Variants in GRIK2 observed in about 807,000 individuals in gnomAD.
GRIK2 encodes the protein glutamate receptor ionotropic, kainate 2.
GRIK2 carries 32 observed loss-of-function variants against 100.3 expected under a neutral mutation model. The observed-to-expected ratio is 0.32, with a 90% confidence interval of 0.24 to 0.43. The LOEUF (loss-of-function observed/expected upper bound fraction) is 0.43, where lower values mean the gene tolerates loss of function less well. Ranked by LOEUF, GRIK2 falls within the 20% of genes least tolerant of loss-of-function variation. GRIK2 has a pLI of 1.00. For missense variants in GRIK2, 843 were observed against 1,114.9 expected (o/e 0.76, Z 3.47); for synonymous variants, 417 against 389.4 (o/e 1.07, Z -0.83).
intron 14 of GRIK2, among the ~76,000 whole-genome samples, chr6:101,978,284 A>T (rs2128488401): frequency 6.6e-6 from 1 of 152,110 alleles, no homozygotes; most frequent in African/African-American, 2.4e-5. Context: ...TGTTATATGC[A>T]CTTAATTATA....
chr6:101,988,152 C>T (rs1326145049), intron 14 of GRIK2, among the ~76,000 whole-genome samples: 213 of 8,474 alleles, frequency 0.025, 1 homozygote, highest in Middle Eastern at 0.083. Flanking sequence ...CGCGCGCGCG[C>T]GCGTGCGCGC....
chr6:101,516,980 A>G (rs1774619311), intron 2 of GRIK2, among the ~76,000 whole-genome samples: 1 of 152,132 alleles, frequency 6.6e-6, no homozygotes, highest in South Asian at 2.1e-4. Context: ...TTCATGGAGC[A>G]AATTGGGCAA....
At position 102,029,042 on chromosome 6, in the gene GRIK2, T is replaced by C. The variant is rs183222314; in HGVS notation, c.2086-6299T>C. On this transcript the variant is annotated intron_variant, in intron 14 of 16. Transcript: ENST00000369134. ...TTATATATTTCTCTTAGGTACTACATTCTTTTGGAGAGTATTTCCTAATAA... is the reference window on the plus strand; with the variant it reads ...TTATATATTTCTCTTAGGTACTACACTCTTTTGGAGAGTATTTCCTAATAA... Among the ~76,000 whole-genome samples, 34 of 151,342 alleles carry C rather than the reference T, an allele frequency of 2.2e-4. 1 individual carries two copies. In the East Asian group the frequency reaches 5.5e-3, roughly 24 times the overall value.
intron 16 of GRIK2, among the ~76,000 whole-genome samples, chr6:102,060,284 G>C (rs1771681730): frequency 6.6e-6 from 1 of 150,762 alleles, no homozygotes; most frequent in African/African-American, 2.4e-5. Flanking sequence ...ATGTTCTTCA[G>C]TGTTTAGAGG....
intron 14 of GRIK2, among the ~76,000 whole-genome samples, chr6:101,934,625 C>A (rs950715827): frequency 1.3e-5 from 2 of 151,794 alleles, no homozygotes; most frequent in African/African-American, 4.8e-5. Flanking sequence ...TACTGCAAGT[C>A]CTTATTAGAT....
chr6:101,662,790 C>T (rs1769723514), intron 4 of GRIK2, among the ~76,000 whole-genome samples: 1 of 152,032 alleles, frequency 6.6e-6, no homozygotes, highest in Non-Finnish European at 1.5e-5. Flanking sequence ...AAATGATTTG[C>T]ATATCTGTCT....
chr6:101,665,450 T>C (rs1002804635), intron 4 of GRIK2, among the ~76,000 whole-genome samples: 1 of 152,210 alleles, frequency 6.6e-6, no homozygotes, highest in African/African-American at 2.4e-5. Context: ...GTTCATTGTA[T>C]ATTGAGTCAA....
intron 10 of GRIK2, among the ~76,000 whole-genome samples, chr6:101,837,413 G>A (rs576289580): frequency 2.1e-4 from 32 of 152,276 alleles, no homozygotes; most frequent in African/African-American, 7.7e-4. Flanking sequence ...CACACACTAA[G>A]AGGTTAACTG....
rs144604595 is a variant in GRIK2, at chr6:101,875,311, A to T, written c.1525-14329A>T. On this transcript the variant is annotated intron_variant, in intron 11 of 16. Coordinates refer to ENST00000369134, the MANE Select transcript of GRIK2 (RefSeq NM_021956.5). ...ACCAAGGACAAAACCTCAATAAGAG[A>T]TCTCTTGTCCTTTATCTTGGGGGTA... Among the ~76,000 whole-genome samples, 1,047 of 152,002 alleles carry T rather than the reference A, an allele frequency of 6.9e-3. 14 individuals carry two copies. Among genetic ancestry groups the T allele is most frequent in the African/African-American group, 0.023 (960 of 41,520 alleles).
intron 7 of GRIK2, among the ~76,000 whole-genome samples, chr6:101,686,861 A>G (rs1230545285): frequency 6.6e-6 from 1 of 152,112 alleles, no homozygotes; most frequent in Non-Finnish European, 1.5e-5. Flanking sequence ...GTTTAAACCC[A>G]GAAGCGGCAC....
At chr6:101,955,823 T>C (rs927698810) in intron 14 of GRIK2, among the ~76,000 whole-genome samples, 22 of 152,210 alleles carry the variant, frequency 1.4e-4, no homozygotes, top group African/African-American at 5.3e-4. Context: ...TTTGTAAGTA[T>C]TGTTGATCTT....
chr6:101,409,852 A>G (rs1382183089), intron 2 of GRIK2, among the ~76,000 whole-genome samples: 3 of 152,092 alleles, frequency 2.0e-5, no homozygotes, highest in Non-Finnish European at 2.9e-5. Context: ...AATATTTATT[A>G]TCACTCATGA....
chr6:101,882,585 T>A (rs912735564), intron 11 of GRIK2, among the ~76,000 whole-genome samples: 2 of 152,090 alleles, frequency 1.3e-5, no homozygotes, highest in African/African-American at 4.8e-5. Flanking sequence ...TGATTTCCTA[T>A]TCATGCCCTA....
In GRIK2 at chr6:101,889,765, A is replaced by G. The variant is rs1786921861; in HGVS notation, c.1650A>G (p.Pro550=). The G allele has an allele frequency of 6.2e-7, 1 of 1,613,060 alleles. No homozygotes were observed. Reference sequence around the variant, plus strand: ...ACCGCAAGCCCAATGGTACAAACCCAGGCGTCTTCTCCTTCCTGAATCCTC... The same window carrying G: ...ACCGCAAGCCCAATGGTACAAACCCGGGCGTCTTCTCCTTCCTGAATCCTC... ...ILYRKPNGTN[P]GVFSFLNPLS... is the part of the protein sequence containing the mutation. The change falls in exon 12 of 17, where the codon CCA becomes CCG. Residue 550 remains proline, a synonymous_variant. Coordinates refer to ENST00000369134, the MANE Select transcript of GRIK2 (RefSeq NM_021956.5).
At chr6:101,560,641 T>C (rs1776960614) in intron 2 of GRIK2, among the ~76,000 whole-genome samples, 1 of 151,874 alleles carries the variant, frequency 6.6e-6, no homozygotes, top group African/African-American at 2.4e-5. Context: ...TTGGCAAATA[T>C]TTCAGAAGAC....
chr6:101,541,292 G>A (rs1305978499), intron 2 of GRIK2, among the ~76,000 whole-genome samples: 1 of 151,672 alleles, frequency 6.6e-6, no homozygotes, highest in African/African-American at 2.4e-5. Context: ...TTGGCTGAGA[G>A]TGTTATATCG....
chr6:101,686,119 T>G lies in GRIK2; in HGVS notation c.778-61T>G, dbSNP rs543380105. ...AAAACAAAAAAAGTGACTATTTCAGTAATACATGCCTGTGAAGATACTCTG... is the reference window on the plus strand; with the variant it reads ...AAAACAAAAAAAGTGACTATTTCAGGAATACATGCCTGTGAAGATACTCTG... On this transcript the variant is annotated intron_variant, in intron 6 of 16. Transcript: ENST00000369134. 1.2e-5 allele frequency: 16 copies of G among 1,379,018 alleles called. No homozygotes were observed. The African/African-American group carries it at 2.3e-4, about 20-fold the overall frequency. The allele number at this position is 1,379,018 out of a possible 1,614,324, so 85.4% of individuals were successfully genotyped here. A position where few individuals can be genotyped will look rare whatever the true frequency, so the allele number is the denominator to read the frequency against.
intron 2 of GRIK2, among the ~76,000 whole-genome samples, chr6:101,568,487 C>T (rs1777384929): frequency 6.6e-6 from 1 of 152,026 alleles, no homozygotes; most frequent in Admixed American, 6.6e-5. Context: ...ACATGACTAT[C>T]CCTTCTTCTG....
rs182371643 is a variant in GRIK2 at position 102,022,652 on chromosome 6, A to G, written c.2086-12689A>G. ...CAAAGTTCATACTGTCAGAATTAAG[A>G]AAGATGTATTATTGATTTTTTTTCT... is the stretch of plus-strand genomic sequence containing the variant. On this transcript the variant is annotated intron_variant, in intron 14 of 16. Transcript: ENST00000369134. Among the ~76,000 whole-genome samples, 162 of 151,814 alleles carry G rather than the reference A, an allele frequency of 1.1e-3. 1 individual carries two copies. In the East Asian group the frequency reaches 0.026, roughly 24 times the overall value.
Sources: allele counts gnomAD v4.1 joint callset (sites outside exome capture counted in the v4.1 genomes callset), GRCh38; gene constraint gnomAD v4.1.1; transcripts MANE v1.5; gene names NCBI Gene and HGNC (gene_info 2026-07-23, HGNC 2026-07-21).